WIPI2: variants seen among roughly 807,000 people sequenced by gnomAD.
WIPI2 encodes WD repeat domain phosphoinositide-interacting protein 2.
In WIPI2, 28 loss-of-function variants were observed where a neutral mutation model predicts 52.3. The ratio of observed to expected loss-of-function variants is 0.54; its 90% CI spans 0.40 to 0.73. The LOEUF is 0.73. WIPI2 is among the 30% of genes least tolerant of loss of function. WIPI2 has a pLI of 0.00. For missense variants in WIPI2, 506 were observed against 602.9 expected (o/e 0.84, Z 1.68); for synonymous variants, 268 against 245.0 (o/e 1.09, Z -0.88).
chr7:5,210,818 A>C (rs1782519956), intron 3 of WIPI2, among the ~76,000 whole-genome samples: 1 of 152,220 alleles, frequency 6.6e-6, no homozygotes, highest in Admixed American at 6.5e-5. Context: ...CAACATTTTC[A>C]TCAGCTGATC....
chr7:5,213,576 A>G (rs1782664821), intron 3 of WIPI2, among the ~76,000 whole-genome samples: 1 of 152,254 alleles, frequency 6.6e-6, no homozygotes, highest in Admixed American at 6.5e-5. Context: ...CAGGAGCCAC[A>G]GGCCACAGCA....
chr7:5,219,717 C>T (rs1307183573), intron 7 of WIPI2, among the ~76,000 whole-genome samples: 1 of 152,238 alleles, frequency 6.6e-6, no homozygotes, highest in Non-Finnish European at 1.5e-5. Context: ...AGGACAAAAC[C>T]TTTGCCGTGG....
At position 5,227,369 on chromosome 7, in the gene WIPI2, C is replaced by T. The variant is rs751991726; in HGVS notation, c.1013+25C>T. 2 of 1,607,820 alleles carry T rather than the reference C, an allele frequency of 1.2e-6. No homozygotes were observed. Among genetic ancestry groups the T allele is most frequent in the South Asian group, 1.1e-5 (1 of 90,934 alleles). ...CGTGAGTAGAGCCGGCGCCTCCGTC[C>T]CCCACCCCGTGTGCCTCAGGCCGAG... On this transcript the variant is annotated intron_variant, in intron 10 of 12. Coordinates refer to ENST00000288828, the MANE Select transcript of WIPI2 (RefSeq NM_015610.4). This position sits in a 1 kb window ranked among gnomAD's most constrained non-coding sequence, Gnocchi z 8.1.
intron 6 of WIPI2, 136 bp from the exon 7 acceptor site, chr7:5,217,786 C>G: frequency 1.3e-6 from 1 of 799,800 alleles, no homozygotes. Context: ...CCCAGTAAAT[C>G]AAGTGGGTTT....
rs1053580290 is a variant in WIPI2, at chr7:5,225,813, G to A, written c.741-10G>A. 3.2e-5 allele frequency: 52 copies of A among 1,602,698 alleles called. No individual in the cohort carries two copies. Among genetic ancestry groups the A allele is most frequent in the African/African-American group, 1.2e-4 (9 of 74,914 alleles). On this transcript the variant is annotated splice_polypyrimidine_tract_variant and intron_variant, in intron 8 of 12. Coordinates refer to ENST00000288828, the MANE Select transcript of WIPI2 (RefSeq NM_015610.4). ...TCCGGTGGCCCGCCCCAACCTGTGC[G>A]TCTCCCCAGGTGCGTGAGCATCTGC...
chr7:5,219,159 TC>T (rs1782965584), intron 7 of WIPI2: 1 of 152,198 alleles, frequency 6.6e-6, no homozygotes, highest in Non-Finnish European at 1.5e-5. Context: ...CTCATTTGTT[TC>T]CCCTCAGCAA....
In WIPI2 at chr7:5,229,585, C is replaced by A. The variant is rs1292704539; in HGVS notation, c.1122-23C>A. 4.4e-6 allele frequency: 7 copies of A among 1,608,878 alleles called. No individual in the cohort carries two copies. In the Admixed American group the frequency reaches 1.2e-4, roughly 27 times the overall value. On this transcript the variant is annotated intron_variant, in intron 11 of 12. Transcript: ENST00000288828. ...GGCTGCCCTGTGTGGAGACGCTGAG[C>A]TGTGTCGCTTTCTTCCCTCCAGGCT...
At chr7:5,204,257 A>G (rs1308403446) in intron 3 of WIPI2, among the ~76,000 whole-genome samples, 2 of 152,044 alleles carry the variant, frequency 1.3e-5, no homozygotes, top group Non-Finnish European at 2.9e-5. Flanking sequence ...ACCTGAGGTG[A>G]GGAGTTAGAG....
At chr7:5,229,828 C>A in intron 12 of WIPI2, 90 bp downstream of exon 12, 1 of 1,544,404 alleles carries the variant, frequency 6.5e-7, no homozygotes. Context: ...ACCCCACCAG[C>A]TCCTCACTGG....
rs1014538507 is a variant in WIPI2 at position 5,216,625 on chromosome 7, G to T, written c.444G>T (p.Leu148=). 1 of 1,614,078 alleles carries T rather than the reference G, an allele frequency of 6.2e-7. No homozygotes were observed. Among genetic ancestry groups the T allele is most frequent in the African/African-American group, 1.3e-5 (1 of 74,930 alleles). ...YIHNIRDMKV[L]HTIRETPPNP... ...ACAACATTCGGGACATGAAGGTGCT[G>T]CATACGATCAGGGAGACGCCTCCAA... Residue 148 remains leucine, a synonymous_variant, in exon 5 of 13, where the codon CTG becomes CTT. Transcript: ENST00000288828.
intron 12 of WIPI2, among the ~76,000 whole-genome samples, chr7:5,229,947 T>A (rs1583599136): frequency 7.1e-6 from 1 of 140,226 alleles, no homozygotes; most frequent in Non-Finnish European, 1.6e-5. Flanking sequence ...TTTTTTTTTT[T>A]AAAGGAGAGA....
rs1562412469 is a variant in WIPI2, at chr7:5,230,784, T to C, written c.1253-51T>C. On this transcript the variant is annotated intron_variant, in intron 12 of 12. Transcript: ENST00000288828. This position sits in a 1 kb window ranked among gnomAD's most constrained non-coding sequence, Gnocchi z 4.8. ...ACAGTCCTCAGTGTGTGTCATGGGG[T>C]CTGTGGTGTGTCCCCAGCCTTTGAA... The C allele has an allele frequency of 1.4e-6, 2 of 1,419,638 alleles. No individual in the cohort carries two copies. The highest frequency in any genetic ancestry group is 2.0e-6 in the Non-Finnish European group (2 of 1,016,654). The allele number at this position is 1,419,638 out of a possible 1,614,324, so 87.9% of individuals were successfully genotyped here.
chr7:5,208,755 C>T (rs2115252417), intron 3 of WIPI2, among the ~76,000 whole-genome samples: 1 of 152,200 alleles, frequency 6.6e-6, no homozygotes, highest in East Asian at 1.9e-4. Flanking sequence ...TCTTTAGTCT[C>T]TTCTAATGAT....
At chr7:5,204,066 C>T (rs1175772637) in intron 3 of WIPI2, among the ~76,000 whole-genome samples, 1 of 152,216 alleles carries the variant, frequency 6.6e-6, no homozygotes, top group South Asian at 2.1e-4. Flanking sequence ...GCAGCCTGAT[C>T]CATTGTCCAC....
rs538001901 is a variant in WIPI2 at position 5,195,284 on chromosome 7, C to G, written c.128+2113C>G. On this transcript the variant is annotated intron_variant, in intron 2 of 12. Coordinates refer to ENST00000288828, the MANE Select transcript of WIPI2 (RefSeq NM_015610.4). ...GGAGGATCCCTTGAGTTCAGGAGTT[C>G]AAGACCAGGTTGGGCAACACAGGGA... Among the ~76,000 whole-genome samples, 269 of 152,130 alleles carry G rather than the reference C, an allele frequency of 1.8e-3. 6 individuals carry two copies. The South Asian group carries it at 0.042, about 24-fold the overall frequency.
At chr7:5,226,146 G>A (rs560673239) in intron 9 of WIPI2, 1 of 559,640 alleles carries the variant, frequency 1.8e-6, no homozygotes, top group Non-Finnish European at 3.2e-6. Context: ...GCAGCACGCA[G>A]GGTAGACAGA....
At position 5,217,194 on chromosome 7, in the gene WIPI2, T is replaced by G; in HGVS notation, c.576+7T>G. 6.2e-7 allele frequency: 1 copy of G among 1,614,054 alleles called. No homozygotes were observed. Among genetic ancestry groups the G allele is most frequent in the Non-Finnish European group, 8.5e-7 (1 of 1,179,956 alleles). ...CTTCGATACCATTAATTTGGTGAGA[T>G]GCCTTTCCTGCTCGAATAGCTCTCT... On this transcript the variant is annotated splice_region_variant and intron_variant, in intron 6 of 12. Transcript: ENST00000288828.
At position 5,227,251 on chromosome 7, in the gene WIPI2, C is replaced by A; in HGVS notation, c.920C>A (p.Pro307His). 6.2e-7 allele frequency: 1 copy of A among 1,613,992 alleles called. No homozygotes were observed. Among genetic ancestry groups the A allele is most frequent in the Non-Finnish European group, 8.5e-7 (1 of 1,180,040 alleles). The change falls in exon 10 of 13, where the codon CCT becomes CAT. Residue 307 changes from proline (P) to histidine (H), a missense_variant. Around this residue, in one of 4 missense-constraint regions of WIPI2, gnomAD observed 237 missense variants for 346.9 expected, o/e 0.68. Coordinates refer to ENST00000288828, the MANE Select transcript of WIPI2 (RefSeq NM_015610.4). This position sits in a 1 kb window ranked among gnomAD's most constrained non-coding sequence, Gnocchi z 8.1. ...CTCATGGCCTCCACCAGCTACCTGC[C>A]TTCCCAAGTGACAGAAATGTTCAAC... ...KVLMASTSYLPSQVTEMFNQG... is the reference protein window; with the variant it reads ...KVLMASTSYLHSQVTEMFNQG...
chr7:5,216,535 G>A (rs770704604), intron 4 of WIPI2, 28 bp from the exon 5 acceptor site: 37 of 1,606,744 alleles, frequency 2.3e-5, no homozygotes, highest in Non-Finnish European at 3.0e-5. Flanking sequence ...GTTGCTTCAC[G>A]TTTGGTTTCG....
Sources: gnomAD v4.1 joint callset for allele counts (sites outside exome capture counted in the v4.1 genomes callset) on GRCh38, gnomAD v4.1.1 for gene constraint, gnomAD v4.1.1 regional missense constraint, Gnocchi (gnomAD v3.1) non-coding constraint, MANE v1.5 for transcripts, NCBI Gene and HGNC (gene_info 2026-07-23, HGNC 2026-07-21) for gene names.